The following EIF2B3 variants were observed in gnomAD, a reference collection of about 807,000 sequenced individuals.
EIF2B3 encodes the protein eukaryotic translation initiation factor 2B subunit gamma.
In EIF2B3, 20 loss-of-function variants were observed where a neutral mutation model predicts 54.1. The ratio of observed to expected loss-of-function variants is 0.37; its 90% CI spans 0.26 to 0.54. The LOEUF (loss-of-function observed/expected upper bound fraction) is 0.54, where lower values mean the gene tolerates loss of function less well. EIF2B3 is among the 20% of genes least tolerant of loss of function. The probability of loss-of-function intolerance (pLI) is 0.86; values close to 1 mark genes in which losing one functional copy is unlikely to be tolerated. For synonymous variants in EIF2B3, 153 were observed against 188.1 expected (o/e 0.81, Z 1.52); for missense variants, 448 against 547.8 (o/e 0.82, Z 1.82).
chr1:44,985,267 A>G (rs1490388062), intron 1 of EIF2B3, among the ~76,000 whole-genome samples: 3 of 152,152 alleles, frequency 2.0e-5, no homozygotes, highest in African/African-American at 7.2e-5. Flanking sequence ...TGTGTCTAGT[A>G]ATCACCTATT....
chr1:44,878,998 C>G (rs939455346), intron 8 of EIF2B3, among the ~76,000 whole-genome samples: 1 of 152,012 alleles, frequency 6.6e-6, no homozygotes, highest in Non-Finnish European at 1.5e-5. Context: ...TGGACTCAAG[C>G]GATCCACCTG....
At chr1:44,911,261 C>A (rs1207508950) in intron 5 of EIF2B3, among the ~76,000 whole-genome samples, 1 of 152,110 alleles carries the variant, frequency 6.6e-6, no homozygotes, top group South Asian at 2.1e-4. Flanking sequence ...ATTTATCCAG[C>A]CTGCAACCCT....
Position 44,951,954 on chromosome 1 carries a change from A to ATTTTTTTTTTTTTTTTTTT in EIF2B3, c.295-10308_295-10290dup. 1.2e-3 allele frequency among the ~76,000 whole-genome samples: 52 copies of ATTTTTTTTTTTTTTTTTTT among 44,650 alleles called. 11 individuals are homozygous for ATTTTTTTTTTTTTTTTTTT. In the East Asian group the frequency reaches 0.022, roughly 19 times the overall value. The allele number at this position is 44,650 out of a possible 152,430, so 29.3% of individuals were successfully genotyped here. ...AGGGGCGCACCACCATGCCTGGCTA[A>ATTTTTTTTTTTTTTTTTTT]TTTTTTTTTTTTTTTTTTTTTTTTT... is the stretch of plus-strand genomic sequence containing the variant. On this transcript the variant is annotated intron_variant, in intron 3 of 11. Transcript: ENST00000360403.
rs933594085 is a variant in EIF2B3, at chr1:44,875,702, G to T, written c.976-7C>A. The stretch of plus-strand genomic sequence containing the variant: ...CAGACAGCAATTTGGGCACCTTAAG[G>T]ACAGAGATTTGGTCACTAAAGATCA... On this transcript the variant is annotated splice_polypyrimidine_tract_variant and splice_region_variant and intron_variant, in intron 8 of 11. Coordinates refer to ENST00000360403, the MANE Select transcript of EIF2B3 (RefSeq NM_020365.5). The T allele has an allele frequency of 1.9e-6, 3 of 1,613,806 alleles. No homozygotes were observed. Among genetic ancestry groups the T allele is most frequent in the Non-Finnish European group, 2.5e-6 (3 of 1,179,722 alleles).
At chr1:44,965,634 C>CTTTTTT (rs386366856) in intron 3 of EIF2B3, among the ~76,000 whole-genome samples, 31 of 102,408 alleles carry the variant, frequency 3.0e-4, no homozygotes, top group Non-Finnish European at 4.8e-4. Context: ...ACAAATGCAT[C>CTTTTTT]TTTTTTTTTT....
chr1:44,941,781 C>A (rs1294895245), intron 3 of EIF2B3, 116 bp from the exon 4 acceptor site: 1 of 1,214,510 alleles, frequency 8.2e-7, no homozygotes, highest in Non-Finnish European at 1.2e-6. Flanking sequence ...ACTCTTCAAG[C>A]ATTTTTCATA....
intron 3 of EIF2B3, among the ~76,000 whole-genome samples, chr1:44,956,007 T>C (rs1353023959): frequency 6.6e-6 from 1 of 152,136 alleles, no homozygotes; most frequent in African/African-American, 2.4e-5. Context: ...AGCAATCCCA[T>C]TACTGGGTAT....
chr1:44,872,267 A>G (rs1207752139), intron 10 of EIF2B3, among the ~76,000 whole-genome samples: 1 of 152,098 alleles, frequency 6.6e-6, no homozygotes, highest in African/African-American at 2.4e-5. Context: ...TCCTGGGCTC[A>G]AGTAATCTGC....
intron 10 of EIF2B3, among the ~76,000 whole-genome samples, chr1:44,867,271 G>C (rs1654811686): frequency 6.6e-6 from 1 of 152,056 alleles, no homozygotes; most frequent in Non-Finnish European, 1.5e-5. Context: ...GCAGAATACA[G>C]GGCTGACACT....
At chr1:44,872,441 T>C (rs1221770780) in intron 10 of EIF2B3, among the ~76,000 whole-genome samples, 4 of 150,612 alleles carry the variant, frequency 2.7e-5, no homozygotes, top group African/African-American at 7.3e-5. Flanking sequence ...AGGCCAGGAG[T>C]TCAAGACCAG....
intron 6 of EIF2B3, among the ~76,000 whole-genome samples, chr1:44,893,373 G>A (rs1184227362): frequency 2.6e-5 from 4 of 152,136 alleles, no homozygotes; most frequent in Non-Finnish European, 4.4e-5. Context: ...AGGAAGTTGT[G>A]ACTGCTCTGT....
intron 3 of EIF2B3, among the ~76,000 whole-genome samples, chr1:44,972,739 C>T (rs2148961225): frequency 6.6e-6 from 1 of 152,170 alleles, no homozygotes; most frequent in Middle Eastern, 3.4e-3. Flanking sequence ...ACGATCTCAG[C>T]TCACTGCAAC....
rs541662451 is a variant in EIF2B3 at position 44,875,736 on chromosome 1, C to T, written c.976-41G>A. ...TTGGTCACTAAAGATCAGAAAACAC[C>T]TTAGGTAGCTCTCCCTCTCCCTCTC... On this transcript the variant is annotated intron_variant, in intron 8 of 11. Coordinates refer to ENST00000360403, the MANE Select transcript of EIF2B3 (RefSeq NM_020365.5). The T allele has an allele frequency of 1.6e-4, 238 of 1,528,002 alleles. 5 individuals are homozygous for T. In the South Asian group the frequency reaches 2.5e-3, roughly 16 times the overall value. The allele number at this position is 1,528,002 out of a possible 1,614,324, so 94.7% of individuals were successfully genotyped here. A position where few individuals can be genotyped will look rare whatever the true frequency, so the allele number is the denominator to read the frequency against.
At chr1:44,974,988 G>A (rs1644438354) in intron 3 of EIF2B3, among the ~76,000 whole-genome samples, 1 of 152,152 alleles carries the variant, frequency 6.6e-6, no homozygotes, top group Admixed American at 6.5e-5. Context: ...ACTGAAGTGG[G>A]AGGACAGCTT....
intron 10 of EIF2B3, among the ~76,000 whole-genome samples, chr1:44,864,308 T>C (rs1180445845): frequency 6.6e-6 from 1 of 151,708 alleles, no homozygotes; most frequent in Non-Finnish European, 1.5e-5. Flanking sequence ...CTCATGCCTG[T>C]AATCCCAGCA....
intron 5 of EIF2B3, among the ~76,000 whole-genome samples, chr1:44,905,364 T>C (rs1205876276): frequency 6.6e-6 from 1 of 152,204 alleles, no homozygotes; most frequent in African/African-American, 2.4e-5. Flanking sequence ...CTTGTGGGTT[T>C]GTTCTTGTTC....
At chr1:44,857,556 C>T (rs2148893051) in intron 11 of EIF2B3, 148 bp downstream of exon 11, 1 of 739,996 alleles carries the variant, frequency 1.4e-6, no homozygotes, top group South Asian at 1.6e-5. Context: ...ACAGTGATGT[C>T]AACTGCTCTC....
At chr1:44,976,558 C>A (rs1644454998) in intron 3 of EIF2B3, among the ~76,000 whole-genome samples, 1 of 152,086 alleles carries the variant, frequency 6.6e-6, no homozygotes, top group African/African-American at 2.4e-5. Context: ...TAAAGTAAAC[C>A]TTACAGCCTA....
intron 3 of EIF2B3, among the ~76,000 whole-genome samples, chr1:44,973,341 C>G (rs1557712281): frequency 1.3e-5 from 2 of 152,160 alleles, no homozygotes; most frequent in Non-Finnish European, 2.9e-5. Context: ...TGTGGCATAT[C>G]CATAAAATAG....
Sources: gnomAD v4.1 joint callset for allele counts (sites outside exome capture counted in the v4.1 genomes callset) on GRCh38, gnomAD v4.1.1 for gene constraint, MANE v1.5 for transcripts, NCBI Gene and HGNC (gene_info 2026-07-23, HGNC 2026-07-21) for gene names.